The following KCNMB2 variants were observed in gnomAD, a reference collection of about 807,000 sequenced individuals.
KCNMB2 encodes calcium-activated potassium channel subunit beta-2.
Under a neutral mutation model 24.5 loss-of-function variants are expected in KCNMB2, and 9 were observed. That is an observed-to-expected ratio of 0.37 (90% CI 0.22 to 0.64). KCNMB2 has a LOEUF of 0.64. KCNMB2 is among the 30% of genes least tolerant of loss of function. The pLI is 0.63. For missense variants in KCNMB2, 226 were observed against 284.3 expected (o/e 0.79, Z 1.47); for synonymous variants, 109 against 104.4 (o/e 1.04, Z -0.27).
chr3:178,744,826 C>G (rs1723611297), intron 1 of KCNMB2, among the ~76,000 whole-genome samples: 1 of 152,178 alleles, frequency 6.6e-6, no homozygotes, highest in South Asian at 2.1e-4. Context: ...AGTTATCAGC[C>G]ACTTCTAGGG....
chr3:178,537,967 A>T (rs1206627956), intron 1 of KCNMB2, among the ~76,000 whole-genome samples: 2 of 152,252 alleles, frequency 1.3e-5, no homozygotes, highest in Non-Finnish European at 2.9e-5. Flanking sequence ...ACTAATGCAG[A>T]ATTAACTAGA....
At chr3:178,816,563 T>C (rs960207194) in intron 2 of KCNMB2, among the ~76,000 whole-genome samples, 2 of 152,150 alleles carry the variant, frequency 1.3e-5, no homozygotes, top group Non-Finnish European at 2.9e-5. Context: ...TTTGGATGCC[T>C]AGTGCATTAA....
At chr3:178,551,423 C>T (rs1478754653) in intron 1 of KCNMB2, among the ~76,000 whole-genome samples, 1 of 152,200 alleles carries the variant, frequency 6.6e-6, no homozygotes, top group Non-Finnish European at 1.5e-5. Context: ...GGCTTTCCAC[C>T]AGCTCTTCTA....
chr3:178,665,173 A>C (rs774448624), intron 1 of KCNMB2, among the ~76,000 whole-genome samples: 8 of 152,134 alleles, frequency 5.3e-5, no homozygotes, highest in Non-Finnish European at 8.8e-5. Context: ...AGCTTCTAGG[A>C]ATTCTGATCA....
At chr3:178,773,341 A>T (rs973785296) in intron 1 of KCNMB2, among the ~76,000 whole-genome samples, 6 of 152,106 alleles carry the variant, frequency 3.9e-5, no homozygotes, top group African/African-American at 1.4e-4. Flanking sequence ...TTTTATTTTT[A>T]AATTTTAAGT....
At chr3:178,637,074 C>T (rs1222920959) in intron 1 of KCNMB2, among the ~76,000 whole-genome samples, 4 of 151,988 alleles carry the variant, frequency 2.6e-5, no homozygotes, top group East Asian at 3.9e-4. Context: ...ATGGTGTATA[C>T]GTACCATATT....
At chr3:178,716,889 AC>A (rs1722635725) in intron 1 of KCNMB2, among the ~76,000 whole-genome samples, 1 of 152,132 alleles carries the variant, frequency 6.6e-6, no homozygotes, top group Non-Finnish European at 1.5e-5. Flanking sequence ...TTCCAGGGAC[AC>A]CCCTTCTTTC....
chr3:178,724,303 T>C (rs1214059535), intron 1 of KCNMB2, among the ~76,000 whole-genome samples: 1 of 152,144 alleles, frequency 6.6e-6, no homozygotes, highest in Non-Finnish European at 1.5e-5. Flanking sequence ...CTGGTATGTC[T>C]TCTTTTGAGA....
chr3:178,637,144 G>A (rs1348497579), intron 1 of KCNMB2, among the ~76,000 whole-genome samples: 1 of 152,038 alleles, frequency 6.6e-6, no homozygotes, highest in East Asian at 1.9e-4. Flanking sequence ...TTTCTATTGT[G>A]TATAGTGCTG....
chr3:178,736,863 G>A (rs1723334782), intron 1 of KCNMB2, among the ~76,000 whole-genome samples: 1 of 152,206 alleles, frequency 6.6e-6, no homozygotes, highest in Non-Finnish European at 1.5e-5. Flanking sequence ...AATTATACAA[G>A]AAGTCTATGG....
chr3:178,668,263 G>A (rs1162606766), intron 1 of KCNMB2, among the ~76,000 whole-genome samples: 1 of 152,070 alleles, frequency 6.6e-6, no homozygotes, highest in Non-Finnish European at 1.5e-5. Flanking sequence ...AGCCTTCCAG[G>A]AAATAGGAAG....
chr3:178,721,428 T>C (rs1406246165), intron 1 of KCNMB2, among the ~76,000 whole-genome samples: 1 of 152,222 alleles, frequency 6.6e-6, no homozygotes, highest in African/African-American at 2.4e-5. Flanking sequence ...TATTGCTGAG[T>C]AGTATCCCAT....
intron 1 of KCNMB2, chr3:178,537,178 A>G (rs1323405676): frequency 7.9e-5 from 12 of 152,208 alleles, no homozygotes; most frequent in Admixed American, 7.9e-4. Flanking sequence ...TGATTTTTCA[A>G]AGGGGAAATT....
chr3:178,568,873 T>A (rs1298062158), intron 1 of KCNMB2, among the ~76,000 whole-genome samples: 1 of 147,594 alleles, frequency 6.8e-6, no homozygotes, highest in African/African-American at 2.6e-5. Flanking sequence ...GATAGATAGA[T>A]AGATAGATAG....
intron 1 of KCNMB2, among the ~76,000 whole-genome samples, chr3:178,748,732 C>A (rs573454854): frequency 6.6e-6 from 1 of 151,980 alleles, no homozygotes; most frequent in Admixed American, 6.6e-5. Context: ...AATTGAGAAC[C>A]CCGCTATTGA....
At chr3:178,676,085 G>A (rs1477738323) in intron 1 of KCNMB2, among the ~76,000 whole-genome samples, 1 of 152,152 alleles carries the variant, frequency 6.6e-6, no homozygotes, top group East Asian at 1.9e-4. Context: ...ATGACCCCAA[G>A]CCCATGTTAC....
At chr3:178,714,815 A>G (rs1015954908) in intron 1 of KCNMB2, among the ~76,000 whole-genome samples, 1 of 151,984 alleles carries the variant, frequency 6.6e-6, no homozygotes, top group Admixed American at 6.5e-5. Context: ...GGCTGGGCCC[A>G]CTTTCTTAGA....
At chr3:178,802,938 A>C (rs1318600444) in intron 1 of KCNMB2, among the ~76,000 whole-genome samples, 1 of 152,200 alleles carries the variant, frequency 6.6e-6, no homozygotes, top group Non-Finnish European at 1.5e-5. Context: ...ATTTTTTTAC[A>C]AAAAGAGAAA....
chr3:178,698,116 G>C (rs544176293), intron 1 of KCNMB2, among the ~76,000 whole-genome samples: 1 of 152,218 alleles, frequency 6.6e-6, no homozygotes, highest in Admixed American at 6.5e-5. Context: ...GGGGTTCTCT[G>C]TGTTTCCTGA....
Sources: allele counts gnomAD v4.1 joint callset (sites outside exome capture counted in the v4.1 genomes callset), GRCh38; gene constraint gnomAD v4.1.1; transcripts MANE v1.5; gene names NCBI Gene and HGNC (gene_info 2026-07-23, HGNC 2026-07-21).